Variants in RSPO2 observed in about 807,000 individuals in gnomAD.
The protein encoded by RSPO2 is R-spondin-2.
A neutral mutation model predicts 30.9 loss-of-function variants in RSPO2; 14 were observed. That is an observed-to-expected ratio of 0.45 (90% CI 0.30 to 0.71). RSPO2 has a LOEUF of 0.71. Among genes scored for constraint, RSPO2 ranks in the 30% least tolerant of loss-of-function variants. The pLI, the probability that RSPO2 is intolerant of heterozygous loss-of-function variation, is 0.08. For missense variants in RSPO2, 264 were observed against 301.9 expected, an observed-to-expected ratio of 0.87 and a Z score of 0.93; for synonymous variants, 107 against 96.4, an observed-to-expected ratio of 1.11 and a Z score of -0.64.
At chr8:107,950,779 C>T (rs1813216972) in intron 5 of RSPO2, among the ~76,000 whole-genome samples, 1 of 151,216 alleles carries the variant, frequency 6.6e-6, no homozygotes, top group African/African-American at 2.4e-5. Context: ...AATTTGACAC[C>T]TCTGTTACAC....
At chr8:108,054,067 A>T (rs950678140) in intron 2 of RSPO2, among the ~76,000 whole-genome samples, 2 of 152,092 alleles carry the variant, frequency 1.3e-5, no homozygotes, top group African/African-American at 4.8e-5. Flanking sequence ...TGTTGAAAAA[A>T]TTATTTATTG....
intron 5 of RSPO2, among the ~76,000 whole-genome samples, chr8:107,909,287 GAGTCTCGCTCTGTCGCCC>G (rs1280831168): frequency 2.2e-4 from 30 of 136,762 alleles, no homozygotes; most frequent in African/African-American, 7.2e-4. Context: ...TTTTGAGATG[GAGTCTCGCTCTGTCGCCC>G]AGGCTGGAGT....
chr8:108,005,285 G>A (rs1815414801), intron 2 of RSPO2, among the ~76,000 whole-genome samples: 1 of 152,142 alleles, frequency 6.6e-6, no homozygotes, highest in Admixed American at 6.6e-5. Context: ...ATACTATAAA[G>A]TTGCTATTTT....
intron 2 of RSPO2, among the ~76,000 whole-genome samples, chr8:108,007,975 T>G (rs1189963994): frequency 1.3e-5 from 2 of 151,934 alleles, no homozygotes; most frequent in Non-Finnish European, 2.9e-5. Context: ...AAAATACACC[T>G]TGCCTGACTC....
intron 3 of RSPO2, chr8:107,983,439 T>C: frequency 8.1e-6 from 13 of 1,600,380 alleles, no homozygotes; most frequent in East Asian, 2.2e-5. Flanking sequence ...CTGTAGAGGA[T>C]GCAGAGGGCC....
At chr8:108,081,199 A>G (rs1200581858) in intron 2 of RSPO2, among the ~76,000 whole-genome samples, 1 of 152,172 alleles carries the variant, frequency 6.6e-6, no homozygotes, top group Non-Finnish European at 1.5e-5. Flanking sequence ...GAAGTCGCAC[A>G]CCATCAGTTA....
At chr8:107,932,883 G>A (rs1359878371) in intron 5 of RSPO2, among the ~76,000 whole-genome samples, 1 of 152,184 alleles carries the variant, frequency 6.6e-6, no homozygotes, top group African/African-American at 2.4e-5. Flanking sequence ...CATCCACACA[G>A]TCTGTAATTT....
intron 2 of RSPO2, among the ~76,000 whole-genome samples, chr8:108,071,265 T>C (rs79934468): frequency 6.6e-6 from 1 of 152,192 alleles, no homozygotes; most frequent in Non-Finnish European, 1.5e-5. Flanking sequence ...TTCAGGGTAA[T>C]ATTATTTAAA....
intron 2 of RSPO2, among the ~76,000 whole-genome samples, chr8:108,011,209 AGGAAAGGAAAAGGAAAAG>A (rs1431746490): frequency 6.0e-5 from 9 of 149,634 alleles, no homozygotes; most frequent in Non-Finnish European, 7.4e-5. Context: ...GGAAAAGGAA[AGGAAAGGAAAAGGAAAAG>A]GGAAAGGAAA....
At chr8:108,016,780 GT>G (rs1229116625) in intron 2 of RSPO2, among the ~76,000 whole-genome samples, 1 of 152,038 alleles carries the variant, frequency 6.6e-6, no homozygotes, top group Non-Finnish European at 1.5e-5. Flanking sequence ...ATAAGATGTG[GT>G]TGTTAAAAGC....
intron 5 of RSPO2, among the ~76,000 whole-genome samples, chr8:107,940,872 GT>G (rs1051502102): frequency 6.6e-6 from 1 of 152,082 alleles, no homozygotes; most frequent in African/African-American, 2.4e-5. Flanking sequence ...TTCTGATACA[GT>G]TTTTTTCTTT....
intron 2 of RSPO2, among the ~76,000 whole-genome samples, chr8:108,048,557 CTCTCT>C (rs1811977039): frequency 1.3e-5 from 2 of 151,686 alleles, no homozygotes; most frequent in Non-Finnish European, 2.9e-5. Flanking sequence ...TTTGATTCTT[CTCTCT>C]TTTCTTTTTA....
chr8:108,072,804 A>G (rs1048719846), intron 2 of RSPO2, among the ~76,000 whole-genome samples: 1 of 152,274 alleles, frequency 6.6e-6, no homozygotes, highest in African/African-American at 2.4e-5. Context: ...TCAAAGGGCC[A>G]AAGTATGAGA....
At chr8:108,011,087 C>T (rs1181174590) in intron 2 of RSPO2, among the ~76,000 whole-genome samples, 4 of 137,478 alleles carry the variant, frequency 2.9e-5, no homozygotes, top group Non-Finnish European at 6.1e-5. Flanking sequence ...AAACCGAGAT[C>T]GCGCCATTGC....
intron 5 of RSPO2, among the ~76,000 whole-genome samples, chr8:107,907,939 G>A (rs911409130): frequency 1.3e-5 from 2 of 151,992 alleles, no homozygotes; most frequent in East Asian, 1.9e-4. Context: ...TTGTTGACAG[G>A]AAGTCCTATT....
At chr8:108,008,140 A>G (rs1302591291) in intron 2 of RSPO2, among the ~76,000 whole-genome samples, 1 of 152,188 alleles carries the variant, frequency 6.6e-6, no homozygotes, top group Non-Finnish European at 1.5e-5. Flanking sequence ...GCCTTGGTAT[A>G]TAAACATTTC....
chr8:108,004,387 A>C (rs1278095083), intron 2 of RSPO2, among the ~76,000 whole-genome samples: 2 of 152,208 alleles, frequency 1.3e-5, no homozygotes, highest in African/African-American at 4.8e-5. Flanking sequence ...GTCTTTGAAG[A>C]TAGATCCTGC....
intron 2 of RSPO2, among the ~76,000 whole-genome samples, chr8:108,042,285 G>C (rs1445292327): frequency 6.6e-6 from 1 of 152,168 alleles, no homozygotes; most frequent in Non-Finnish European, 1.5e-5. Context: ...CCAAAGGTCT[G>C]TGGACTGGTG....
intron 2 of RSPO2, among the ~76,000 whole-genome samples, chr8:108,061,315 G>A (rs1338809954): frequency 1.3e-5 from 2 of 151,758 alleles, no homozygotes; most frequent in Non-Finnish European, 2.9e-5. Flanking sequence ...ACACACATGG[G>A]CTCAAAATAA....
Sources: allele counts gnomAD v4.1 joint callset (sites outside exome capture counted in the v4.1 genomes callset), GRCh38; gene constraint gnomAD v4.1.1; transcripts MANE v1.5; gene names NCBI Gene and HGNC (gene_info 2026-07-23, HGNC 2026-07-21).